Variants in TNFAIP8 observed in about 807,000 individuals in gnomAD.
The protein encoded by TNFAIP8 is TNF alpha induced protein 8, also known as tumor necrosis factor alpha-induced protein 8.
A neutral mutation model predicts 13.3 loss-of-function variants in TNFAIP8; 7 were observed. The observed-to-expected ratio is 0.52, with a 90% CI of 0.30 to 0.99. TNFAIP8 has a LOEUF of 0.99. Among genes scored for constraint, TNFAIP8 ranks in the 50% least tolerant of loss-of-function variants. The pLI is 0.07. For missense variants in TNFAIP8, 258 were observed against 236.9 expected, an observed-to-expected ratio of 1.09 and a Z score of -0.58; for synonymous variants, 94 against 87.6, an observed-to-expected ratio of 1.07 and a Z score of -0.41.
At chr5:119,320,462 C>G (rs915406456) in intron 1 of TNFAIP8, among the ~76,000 whole-genome samples, 6 of 152,124 alleles carry the variant, frequency 3.9e-5, no homozygotes, top group Non-Finnish European at 7.4e-5. Flanking sequence ...TCTCTCCTGC[C>G]CATTCTGGCA....
At chr5:119,338,412 T>C (rs1182114065) in intron 1 of TNFAIP8, among the ~76,000 whole-genome samples, 2 of 152,208 alleles carry the variant, frequency 1.3e-5, no homozygotes, top group Admixed American at 6.5e-5. Flanking sequence ...CTACCCCATC[T>C]GTGCCTCTGT....
rs1750160532 is a variant in TNFAIP8, at chr5:119,324,548, T to C, written c.1+55641T>C. ...TTGTTTTTCTGTTTCGCTTTGAAAATTCCCTGAAAAGACAGAAGATTGCCC... is the reference window on the plus strand; with the variant it reads ...TTGTTTTTCTGTTTCGCTTTGAAAACTCCCTGAAAAGACAGAAGATTGCCC... On this transcript the variant is annotated intron_variant, in intron 1 of 1. Coordinates refer to the TNFAIP8 transcript ENST00000274456. Among the ~76,000 whole-genome samples, 3 of 152,160 alleles carry C rather than the reference T, an allele frequency of 2.0e-5. No individual in the cohort carries two copies. In the South Asian group the frequency reaches 6.2e-4, roughly 32 times the overall value.
At chr5:119,366,454 A>T (rs1751861690) in intron 1 of TNFAIP8, among the ~76,000 whole-genome samples, 1 of 152,222 alleles carries the variant, frequency 6.6e-6, no homozygotes, top group Non-Finnish European at 1.5e-5. Flanking sequence ...AATTGGGGCC[A>T]GTCGGAAGCC....
At chr5:119,308,915 G>A (rs528349718) in intron 1 of TNFAIP8, among the ~76,000 whole-genome samples, 12 of 151,378 alleles carry the variant, frequency 7.9e-5, no homozygotes, top group Admixed American at 6.6e-4. Context: ...CTGAGCCAGC[G>A]TGCTCCTTGT....
chr5:119,356,737 A>G (rs1015705879), intron 1 of TNFAIP8, among the ~76,000 whole-genome samples: 3 of 152,094 alleles, frequency 2.0e-5, no homozygotes, highest in African/African-American at 7.2e-5. Context: ...ACTTCGCAAA[A>G]GCAAAGGGTT....
At chr5:119,329,705 C>T (rs1286222395) in intron 1 of TNFAIP8, among the ~76,000 whole-genome samples, 1 of 152,014 alleles carries the variant, frequency 6.6e-6, no homozygotes, top group African/African-American at 2.4e-5. Flanking sequence ...TGACGCCCAC[C>T]TCCCAGGGTT....
chr5:119,297,824 C>T (rs1355377890), intron 1 of TNFAIP8, among the ~76,000 whole-genome samples: 1 of 152,202 alleles, frequency 6.6e-6, no homozygotes, highest in Non-Finnish European at 1.5e-5. Context: ...GGATAGTTAG[C>T]TCTTCTTGTT....
At chr5:119,308,790 T>G (rs1419425903) in intron 1 of TNFAIP8, among the ~76,000 whole-genome samples, 1 of 140,906 alleles carries the variant, frequency 7.1e-6, no homozygotes, top group African/African-American at 2.7e-5. Context: ...TGAACCCAGG[T>G]GGCAGAGTGA....
intron 1 of TNFAIP8, among the ~76,000 whole-genome samples, chr5:119,279,564 T>A (rs76739610): frequency 0.013 from 1,922 of 152,290 alleles, 31 homozygotes; most frequent in African/African-American, 0.042. Context: ...ATTTTATTTT[T>A]TTTATTTATT....
At chr5:119,300,912 T>C (rs1227298389) in intron 1 of TNFAIP8, among the ~76,000 whole-genome samples, 2 of 152,184 alleles carry the variant, frequency 1.3e-5, no homozygotes, top group African/African-American at 2.4e-5. Context: ...GAATTGCAGG[T>C]GCAGATGGGA....
chr5:119,297,801 A>G lies in TNFAIP8; in HGVS notation c.1+28894A>G, dbSNP rs1015266619. Among the ~76,000 whole-genome samples, 14 of 152,284 alleles carry G rather than the reference A, an allele frequency of 9.2e-5. No individual in the cohort carries two copies. The South Asian group carries it at 2.3e-3, about 25-fold the overall frequency. ...GAATGTGGGTGCTCCTGTATTGGGC[A>G]CATATATATTTAGGATAGTTAGCTC... is the stretch of plus-strand genomic sequence containing the variant. On this transcript the variant is annotated intron_variant, in intron 1 of 1. Coordinates refer to the TNFAIP8 transcript ENST00000274456.
exon 1 of TNFAIP8, chr5:119,268,898 A>G (rs1224028207): frequency 8.6e-6 from 6 of 699,070 alleles, no homozygotes; most frequent in Admixed American, 8.1e-5. Context: ...CCGTCGCGCC[A>G]CTCCTCCGAG....
upstream of TNFAIP8, among the ~76,000 whole-genome samples, chr5:119,351,346 C>T (rs1751136216): frequency 6.6e-6 from 1 of 152,054 alleles, no homozygotes; most frequent in Non-Finnish European, 1.5e-5. Flanking sequence ...TTGTATTGTA[C>T]TAAAAGTGAT....
At position 119,397,458 on chromosome 5, in the gene TNFAIP8, T is replaced by A. The variant is rs1194722442; in HGVS notation, c.*4077T>A. 1.3e-5 allele frequency: 2 copies of A among 152,248 alleles called. No individual in the cohort carries two copies. Among genetic ancestry groups the A allele is most frequent in the Non-Finnish European group, 2.9e-5 (2 of 68,038 alleles). 9.4% of individuals were successfully genotyped at this position (152,248 alleles called of 1,614,324 possible). A position where few individuals can be genotyped will look rare whatever the true frequency, so the allele number is the denominator to read the frequency against. ...AGTTTTAGTCAATCTTGCATTTCCATACTTGCATTATCTAAACTAGTTGAA... is the reference window on the plus strand; with the variant it reads ...AGTTTTAGTCAATCTTGCATTTCCAAACTTGCATTATCTAAACTAGTTGAA... On this transcript the variant is annotated 3_prime_UTR_variant, in exon 2 of 2. Coordinates refer to ENST00000504771, the MANE Select transcript of TNFAIP8 (RefSeq NM_014350.4).
chr5:119,392,862 A>G lies in TNFAIP8; in HGVS notation c.78A>G (p.Gln26=), dbSNP rs1237135373. ...CCAAAAACCTGGCCGTTCAGGCACA[A>G]AAGAAGATCTTGGGTAAAATGGTGT... ...FNSKNLAVQA[Q]KKILGKMVSK... The change falls in exon 2 of 2, where the codon CAA becomes CAG. Residue 26 remains glutamine (Q), a synonymous_variant. Transcript: ENST00000504771. 32 of 1,564,900 alleles carry G rather than the reference A, an allele frequency of 2.0e-5. No homozygotes were observed. The highest frequency in any genetic ancestry group is 2.7e-5 in the Non-Finnish European group (31 of 1,154,658).
At position 119,344,727 on chromosome 5, in the gene TNFAIP8, C is replaced by A. The variant is rs200302933; in HGVS notation, c.2-48089C>A. Among the ~76,000 whole-genome samples the A allele has an allele frequency of 4.6e-5, 7 of 152,196 alleles. No individual in the cohort carries two copies. In the East Asian group the frequency reaches 1.4e-3, roughly 29 times the overall value. ...CTGCAGGAATGGAGAGAAAAAAAGG[C>A]CAATCCAGGAAACATTTTGATGTGA... On this transcript the variant is annotated intron_variant, in intron 1 of 1. Coordinates refer to the TNFAIP8 transcript ENST00000274456.
chr5:119,386,914 G>A (rs1361785401), intron 1 of TNFAIP8, among the ~76,000 whole-genome samples: 1 of 151,672 alleles, frequency 6.6e-6, no homozygotes, highest in Non-Finnish European at 1.5e-5. Flanking sequence ...GACCCTTCCA[G>A]GGCAGCCCCC....
intron 1 of TNFAIP8, among the ~76,000 whole-genome samples, chr5:119,274,844 G>C (rs1748390898): frequency 6.6e-6 from 1 of 152,056 alleles, no homozygotes; most frequent in African/African-American, 2.4e-5. Flanking sequence ...TGTATTTTAG[G>C]GCTCATCTGG....
At chr5:119,314,468 G>A (rs1749826478) in intron 1 of TNFAIP8, among the ~76,000 whole-genome samples, 1 of 152,200 alleles carries the variant, frequency 6.6e-6, no homozygotes, top group African/African-American at 2.4e-5. Context: ...CATACACGGT[G>A]CCCTGTGGTC....
Sources: gnomAD v4.1 joint callset for allele counts (sites outside exome capture counted in the v4.1 genomes callset) on GRCh38, gnomAD v4.1.1 for gene constraint, MANE v1.5 for transcripts, NCBI Gene and HGNC (gene_info 2026-07-23, HGNC 2026-07-21) for gene names.